CDK5RAP2: variants seen among roughly 807,000 people sequenced by gnomAD.
CDK5RAP2 encodes CDK5 regulatory subunit associated protein 2, also known as CDK5 regulatory subunit-associated protein 2.
A neutral mutation model predicts 232.9 loss-of-function variants in CDK5RAP2; 147 were observed. That is an observed-to-expected ratio of 0.63 (90% CI 0.55 to 0.72). CDK5RAP2 has a LOEUF of 0.72. CDK5RAP2 is among the 30% of genes least tolerant of loss of function. CDK5RAP2 has a pLI of 0.00. For synonymous variants in CDK5RAP2, 833 were observed against 833.7 expected (o/e 1.00, Z 0.01); for missense variants, 2,195 against 2,231.5 (o/e 0.98, Z 0.33).
chr9:120,423,783 T>C (rs1027235683), intron 25 of CDK5RAP2, among the ~76,000 whole-genome samples: 2 of 152,216 alleles, frequency 1.3e-5, no homozygotes, highest in Non-Finnish European at 1.5e-5. Context: ...TTCAAAACTA[T>C]TCCTAAAAGG....
At position 120,580,148 on chromosome 9, in the gene CDK5RAP2, G is replaced by A. The variant is rs2043193567; in HGVS notation, c.-170C>T. The A allele has an allele frequency of 8.5e-6, 5 of 586,380 alleles. No homozygotes were observed. Among genetic ancestry groups the A allele is most frequent in the Non-Finnish European group, 1.2e-5 (4 of 323,804 alleles). 36.3% of individuals were successfully genotyped at this position (586,380 alleles called of 1,614,324 possible). A position where few individuals can be genotyped will look rare whatever the true frequency, so the allele number is the denominator to read the frequency against. ...ACCACAGACGCCGCCATCTTTCCCG[G>A]CGCTTCTTCCTACGGAAACGAGGCG... On this transcript the variant is annotated 5_prime_UTR_variant, in exon 1 of 38. Transcript: ENST00000349780.
chr9:120,447,307 A>C (rs2036246170), intron 22 of CDK5RAP2, among the ~76,000 whole-genome samples: 1 of 152,162 alleles, frequency 6.6e-6, no homozygotes, highest in Non-Finnish European at 1.5e-5. Context: ...AAAATCTCTA[A>C]GCACCACTGT....
At chr9:120,477,311 T>C (rs746277859) in intron 15 of CDK5RAP2, 39 bp downstream of exon 15, 80 of 1,388,986 alleles carry the variant, frequency 5.8e-5, no homozygotes, top group Non-Finnish European at 7.7e-5. Context: ...GTGTGTGTGT[T>C]CGCATTCACA....
chr9:120,471,256 G>C (rs1447395602), intron 16 of CDK5RAP2, among the ~76,000 whole-genome samples: 1 of 152,174 alleles, frequency 6.6e-6, no homozygotes, highest in African/African-American at 2.4e-5. Flanking sequence ...ATATTACTGT[G>C]ATGAATACAG....
At chr9:120,525,651 T>C (rs939220399) in intron 10 of CDK5RAP2, among the ~76,000 whole-genome samples, 1 of 152,028 alleles carries the variant, frequency 6.6e-6, no homozygotes. Context: ...GGGGTCTTGC[T>C]CTGTCACCCA....
At chr9:120,493,848 T>C (rs1284061160) in intron 12 of CDK5RAP2, among the ~76,000 whole-genome samples, 7 of 152,208 alleles carry the variant, frequency 4.6e-5, no homozygotes. Context: ...TCTCAGCACT[T>C]TGGGAGACCG....
At position 120,518,200 on chromosome 9, in the gene CDK5RAP2, TGTGTGTGTGTGAGAGAGAGAGA is replaced by T. The variant is rs1188869022; in HGVS notation, c.1311+205_1311+226del. On this transcript the variant is annotated intron_variant, in intron 12 of 37. Transcript: ENST00000349780. ...GTGTGTGTGTGTGTGTGTGTGTGTG[TGTGTGTGTGTGAGAGAGAGAGA>T]GAGAGAGAGAGAGAGAGAGAGCGAG... 1.6e-3 allele frequency among the ~76,000 whole-genome samples: 167 copies of T among 104,728 alleles called. 1 individual carries two copies. The highest frequency in any genetic ancestry group is 6.6e-3 in the African/African-American group (163 of 24,532). 68.7% of individuals were successfully genotyped at this position (104,728 alleles called of 152,430 possible). A position where few individuals can be genotyped will look rare whatever the true frequency, so the allele number is the denominator to read the frequency against.
Position 120,477,387 on chromosome 9 carries a change from A to G in CDK5RAP2, c.1690T>C (p.Tyr564His). The change falls in exon 15 of 38, where the codon TAT (tyrosine) becomes CAT (histidine). Residue 564 changes from tyrosine (Y) to histidine (H), a missense_variant. Physicochemically the swap from Tyr to His is moderately conservative, Grantham distance 83. Transcript: ENST00000349780. ...IQVLKKEQDI[Y>H]THLVKSLQES... The stretch of plus-strand genomic sequence containing the variant: ...TGCAGAGATTTGACCAGATGGGTAT[A>G]GATGTCCTGCTCTTTCTTTAAGACC... 6.2e-7 allele frequency: 1 copy of G among 1,613,992 alleles called. No homozygotes were observed. Among genetic ancestry groups the G allele is most frequent in the South Asian group, 1.1e-5 (1 of 91,084 alleles).
intron 17 of CDK5RAP2, among the ~76,000 whole-genome samples, chr9:120,469,070 T>C (rs2037545434): frequency 6.6e-6 from 1 of 152,124 alleles, no homozygotes; most frequent in Non-Finnish European, 1.5e-5. Flanking sequence ...CAGCAGCTAT[T>C]ATCATCTCTA....
In CDK5RAP2 at chr9:120,556,724, C is replaced by T. The variant is rs556861450; in HGVS notation, c.196-5822G>A. Among the ~76,000 whole-genome samples, 7 of 152,268 alleles carry T rather than the reference C, an allele frequency of 4.6e-5. No individual in the cohort carries two copies. The South Asian group carries it at 1.5e-3, about 32-fold the overall frequency. On this transcript the variant is annotated intron_variant, in intron 3 of 37. Coordinates refer to ENST00000349780, the MANE Select transcript of CDK5RAP2 (RefSeq NM_018249.6). Reference sequence around the variant, plus strand: ...GATTACAGGTGTGACCCACCACACCCGGCCCATAAATACAATTTTATGACT... The same window carrying T: ...GATTACAGGTGTGACCCACCACACCTGGCCCATAAATACAATTTTATGACT...
Position 120,404,126 on chromosome 9 carries a change from A to C in CDK5RAP2, c.4964-13T>G, listed in dbSNP as rs752915487. 6.4e-6 allele frequency: 10 copies of C among 1,561,094 alleles called. No individual in the cohort carries two copies. The highest frequency in any genetic ancestry group is 5.0e-5 in the Admixed American group (3 of 59,954). On this transcript the variant is annotated splice_polypyrimidine_tract_variant and intron_variant, in intron 32 of 37. Transcript: ENST00000349780. The stretch of plus-strand genomic sequence containing the variant: ...TATTTGTCACCATCTACAAAATGCA[A>C]AACACGAGAACTGTTAGTTTCACTG...
chr9:120,466,702 G>A (rs2037398121), intron 18 of CDK5RAP2, among the ~76,000 whole-genome samples: 1 of 152,278 alleles, frequency 6.6e-6, no homozygotes, highest in East Asian at 1.9e-4. Flanking sequence ...CTAGAGTCCT[G>A]GAGGCTAAGA....
At chr9:120,569,509 C>CAGTT (rs1195742158) in intron 2 of CDK5RAP2, among the ~76,000 whole-genome samples, 1 of 151,996 alleles carries the variant, frequency 6.6e-6, no homozygotes, top group African/African-American at 2.4e-5. Flanking sequence ...GAGAAAGGAC[C>CAGTT]AGTTACCTGG....
chr9:120,432,858 G>A (rs944642), intron 25 of CDK5RAP2, among the ~76,000 whole-genome samples: 1 of 152,176 alleles, frequency 6.6e-6, no homozygotes, highest in Non-Finnish European at 1.5e-5. Flanking sequence ...CCTTCAAGAA[G>A]AGGCCGACAG....
At chr9:120,554,295 CTTTT>C (rs1050001267) in intron 3 of CDK5RAP2, among the ~76,000 whole-genome samples, 3 of 152,144 alleles carry the variant, frequency 2.0e-5, no homozygotes, top group African/African-American at 7.2e-5. Context: ...TAAATGCAAT[CTTTT>C]TTTGAGACTC....
chr9:120,506,097 C>CA (rs1444148633), intron 12 of CDK5RAP2, among the ~76,000 whole-genome samples: 1 of 152,200 alleles, frequency 6.6e-6, no homozygotes. Flanking sequence ...TTCAAAACTT[C>CA]AAAGGACAGG....
intron 7 of CDK5RAP2, among the ~76,000 whole-genome samples, chr9:120,534,235 G>C (rs981858794): frequency 6.6e-6 from 1 of 152,026 alleles, no homozygotes; most frequent in Non-Finnish European, 1.5e-5. Flanking sequence ...ACAGCACTCA[G>C]GCCAGGCTAT....
intron 17 of CDK5RAP2, among the ~76,000 whole-genome samples, chr9:120,469,390 G>A (rs2037564008): frequency 6.6e-6 from 1 of 152,090 alleles, no homozygotes; most frequent in Non-Finnish European, 1.5e-5. Context: ...CAGCAACCTT[G>A]CACCTCATAC....
At chr9:120,389,712 C>T (rs1251997759) in intron 37 of CDK5RAP2, 29 bp downstream of exon 37, 1 of 1,608,052 alleles carries the variant, frequency 6.2e-7, no homozygotes, top group Non-Finnish European at 8.5e-7. Context: ...CTTCCACTGG[C>T]CTGCAGTGAA....
Sources: allele counts gnomAD v4.1 joint callset (sites outside exome capture counted in the v4.1 genomes callset), GRCh38; gene constraint gnomAD v4.1.1; transcripts MANE v1.5; gene names NCBI Gene and HGNC (gene_info 2026-07-23, HGNC 2026-07-21).